Variants in NEGR1 observed in about 807,000 individuals in gnomAD.
NEGR1 encodes IgLON family member 4.
A neutral mutation model predicts 40.9 loss-of-function variants in NEGR1; 10 were observed. The ratio of observed to expected loss-of-function variants is 0.24; its 90% CI spans 0.15 to 0.42. The LOEUF (loss-of-function observed/expected upper bound fraction) is 0.42, where lower values mean the gene tolerates loss of function less well. NEGR1 is among the 10% of genes least tolerant of loss of function. The pLI is 1.00. For synonymous variants in NEGR1, 185 were observed against 166.8 expected, an observed-to-expected ratio of 1.11 and a Z score of -0.84; for missense variants, 352 against 438.9, an observed-to-expected ratio of 0.80 and a Z score of 1.77.
chr1:72,030,575 C>G (rs1646849160), intron 1 of NEGR1, among the ~76,000 whole-genome samples: 1 of 151,976 alleles, frequency 6.6e-6, no homozygotes, highest in Non-Finnish European at 1.5e-5. Flanking sequence ...GTAATCCTAT[C>G]AACTGTATAA....
intron 1 of NEGR1, among the ~76,000 whole-genome samples, chr1:72,152,961 A>G (rs79969466): frequency 0.013 from 1,962 of 151,948 alleles, 42 homozygotes; most frequent in African/African-American, 0.045. Context: ...TATGGAAACA[A>G]TAGACACTGG....
intron 2 of NEGR1, among the ~76,000 whole-genome samples, chr1:71,791,760 A>G (rs1023800804): frequency 2.2e-4 from 34 of 152,222 alleles, no homozygotes; most frequent in African/African-American, 8.2e-4. Context: ...AGAGAAAAAG[A>G]TCACGGTACT....
intron 2 of NEGR1, among the ~76,000 whole-genome samples, chr1:71,862,624 A>G (rs928446191): frequency 6.6e-6 from 1 of 151,970 alleles, no homozygotes; most frequent in African/African-American, 2.4e-5. Context: ...TAATTTACTG[A>G]TATATTTCTC....
At chr1:71,638,347 G>A (rs565865007) in intron 4 of NEGR1, among the ~76,000 whole-genome samples, 18 of 152,072 alleles carry the variant, frequency 1.2e-4, no homozygotes, top group African/African-American at 4.3e-4. Context: ...CAGTCTTTGA[G>A]CAAGTTCTCT....
chr1:71,628,256 T>C (rs985617316), intron 4 of NEGR1, among the ~76,000 whole-genome samples: 2 of 152,020 alleles, frequency 1.3e-5, no homozygotes, highest in Admixed American at 6.6e-5. Context: ...AACTGGTCAA[T>C]ACTATGTCAT....
At chr1:72,170,092 A>C (rs745704559) in intron 1 of NEGR1, among the ~76,000 whole-genome samples, 2 of 152,172 alleles carry the variant, frequency 1.3e-5, no homozygotes, top group Non-Finnish European at 2.9e-5. Flanking sequence ...TAAAATTCTA[A>C]GTATATTTCC....
chr1:72,154,728 A>G (rs1483853904), intron 1 of NEGR1, among the ~76,000 whole-genome samples: 3 of 152,028 alleles, frequency 2.0e-5, no homozygotes, highest in African/African-American at 7.2e-5. Flanking sequence ...TTAGGTTAAT[A>G]TTCTTTACAC....
chr1:72,128,291 C>T (rs145944545), intron 1 of NEGR1, among the ~76,000 whole-genome samples: 1 of 152,094 alleles, frequency 6.6e-6, no homozygotes. Flanking sequence ...GGTGTTAAAT[C>T]CCTTTAAAGA....
At chr1:71,508,491 C>A (rs1427382328) in intron 6 of NEGR1, among the ~76,000 whole-genome samples, 2 of 152,164 alleles carry the variant, frequency 1.3e-5, no homozygotes, top group African/African-American at 4.8e-5. Context: ...AAAATGGAAA[C>A]TGGCAGGGGA....
chr1:71,574,953 C>G (rs901480486), intron 6 of NEGR1, among the ~76,000 whole-genome samples: 7 of 152,134 alleles, frequency 4.6e-5, no homozygotes, highest in African/African-American at 1.4e-4. Context: ...ATGTAGACAT[C>G]TTTAGGAGAA....
chr1:71,868,503 C>CATAT (rs1430467937), intron 2 of NEGR1, among the ~76,000 whole-genome samples: 1 of 151,070 alleles, frequency 6.6e-6, no homozygotes, highest in Admixed American at 6.6e-5. Flanking sequence ...TACATACATA[C>CATAT]ATACATACAT....
intron 3 of NEGR1, among the ~76,000 whole-genome samples, chr1:71,741,489 C>T (rs74088599): frequency 0.027 from 4,047 of 152,190 alleles, 153 homozygotes; most frequent in African/African-American, 0.091. Flanking sequence ...ACTCATTAAT[C>T]TCTCCAAATA....
chr1:72,251,894 C>A (rs1393120016), intron 1 of NEGR1, among the ~76,000 whole-genome samples: 1 of 152,068 alleles, frequency 6.6e-6, no homozygotes, highest in African/African-American at 2.4e-5. Flanking sequence ...CTTGTTTACT[C>A]CCTCAGAAAA....
At chr1:71,621,072 C>T (rs982007213) in intron 4 of NEGR1, among the ~76,000 whole-genome samples, 5 of 151,880 alleles carry the variant, frequency 3.3e-5, no homozygotes, top group African/African-American at 1.2e-4. Context: ...GTATCATAGT[C>T]CTGCTTCCTT....
intron 6 of NEGR1, among the ~76,000 whole-genome samples, chr1:71,550,589 T>C (rs1255897199): frequency 6.6e-6 from 1 of 151,472 alleles, no homozygotes; most frequent in Non-Finnish European, 1.5e-5. Context: ...GGCCCACAAA[T>C]TCATACTTTC....
At chr1:72,088,214 C>T (rs1648301672) in intron 1 of NEGR1, among the ~76,000 whole-genome samples, 1 of 152,020 alleles carries the variant, frequency 6.6e-6, no homozygotes, top group African/African-American at 2.4e-5. Context: ...TAGTGTGGTC[C>T]CTAGACCAGC....
intron 1 of NEGR1, among the ~76,000 whole-genome samples, chr1:72,088,639 C>G (rs950188359): frequency 6.6e-6 from 1 of 151,338 alleles, no homozygotes; most frequent in East Asian, 1.9e-4. Flanking sequence ...ATCAAGGATA[C>G]TAGAATAATG....
At chr1:72,265,647 T>G (rs1655613077) in intron 1 of NEGR1, among the ~76,000 whole-genome samples, 1 of 150,942 alleles carries the variant, frequency 6.6e-6, no homozygotes, top group Non-Finnish European at 1.5e-5. Context: ...CTAAGAATTA[T>G]TTGTTTCTTA....
intron 4 of NEGR1, among the ~76,000 whole-genome samples, chr1:71,622,999 T>G: frequency 6.6e-6 from 1 of 151,870 alleles, no homozygotes; most frequent in East Asian, 1.9e-4. Context: ...AAAAGAACAT[T>G]TAAAAAGTTG....
Sources: allele counts gnomAD v4.1 joint callset (sites outside exome capture counted in the v4.1 genomes callset), GRCh38; gene constraint gnomAD v4.1.1; transcripts MANE v1.5; gene names NCBI Gene and HGNC (gene_info 2026-07-23, HGNC 2026-07-21).